BBX: variants seen among roughly 807,000 people sequenced by gnomAD.
BBX encodes the protein HMG box transcription factor BBX.
A neutral mutation model predicts 100.2 loss-of-function variants in BBX; 30 were observed. That is an observed-to-expected ratio of 0.30 (90% CI 0.22 to 0.41). The LOEUF (loss-of-function observed/expected upper bound fraction) is 0.41. Among genes scored for constraint, BBX ranks in the 10% least tolerant of loss-of-function variants. The pLI, the probability that BBX is intolerant of heterozygous loss-of-function variation, is 1.00. For synonymous variants in BBX, 376 were observed against 388.1 expected (o/e 0.97, Z 0.37); for missense variants, 1,023 against 1,129.8 (o/e 0.91, Z 1.35).
chr3:107,558,854 G>T (rs2050272634), intron 2 of BBX, among the ~76,000 whole-genome samples: 1 of 152,174 alleles, frequency 6.6e-6, no homozygotes, highest in African/African-American at 2.4e-5. Flanking sequence ...AGCAATAATA[G>T]CAGGGGCATA....
intron 2 of BBX, among the ~76,000 whole-genome samples, chr3:107,604,764 C>A (rs2107633364): frequency 1.4e-5 from 2 of 138,658 alleles, no homozygotes; most frequent in Middle Eastern, 7.4e-3. Flanking sequence ...AACTTTATTG[C>A]CAGAATTTAC....
intron 3 of BBX, among the ~76,000 whole-genome samples, chr3:107,649,829 ACTTCTTGCCACTGGGAATTTG>A (rs1260916217): frequency 1.7e-4 from 26 of 152,300 alleles, no homozygotes; most frequent in Non-Finnish European, 1.3e-4. Context: ...CTAATAATTA[ACTTCTTGCCACTGGGAATTTG>A]CTTCTTGCCA....
intron 2 of BBX, among the ~76,000 whole-genome samples, chr3:107,583,440 G>T (rs2052433155): frequency 6.6e-6 from 1 of 151,906 alleles, no homozygotes; most frequent in African/African-American, 2.4e-5. Flanking sequence ...CAAACTGAGT[G>T]ACTGAGTAGT....
rs537371124 is a variant in BBX at position 107,764,055 on chromosome 3, C to A, written c.906+8377C>A. Among the ~76,000 whole-genome samples the A allele has an allele frequency of 2.6e-5, 4 of 152,238 alleles. No homozygotes were observed. In the South Asian group the frequency reaches 8.3e-4, roughly 32 times the overall value. ...TCGCCCAGGCTGGAGTGCAGTGGCA[C>A]GATCTCAGCTCGCTGCAACCTCTGC... On this transcript the variant is annotated intron_variant, in intron 10 of 17. Coordinates refer to ENST00000325805, the MANE Select transcript of BBX (RefSeq NM_001142568.3).
At chr3:107,557,731 G>C (rs1271351184) in intron 2 of BBX, among the ~76,000 whole-genome samples, 1 of 152,176 alleles carries the variant, frequency 6.6e-6, no homozygotes, top group African/African-American at 2.4e-5. Flanking sequence ...AGATATTAAA[G>C]CTCTATTTCA....
At chr3:107,719,697 A>G (rs2062383407) in intron 5 of BBX, among the ~76,000 whole-genome samples, 1 of 152,094 alleles carries the variant, frequency 6.6e-6, no homozygotes. Context: ...TCTTAAATTC[A>G]GTAATGTACA....
intron 8 of BBX, among the ~76,000 whole-genome samples, chr3:107,746,840 G>A (rs973249253): frequency 1.3e-4 from 20 of 151,926 alleles, no homozygotes; most frequent in Admixed American, 2.0e-4. Context: ...TAACTAAAAC[G>A]AAAAAGCAGT....
At chr3:107,659,973 C>T (rs1233667511) in intron 3 of BBX, among the ~76,000 whole-genome samples, 1 of 152,068 alleles carries the variant, frequency 6.6e-6, no homozygotes, top group Admixed American at 6.6e-5. Context: ...ATTAATGTTT[C>T]CACACATAGC....
chr3:107,631,543 T>TAA lies in BBX; in HGVS notation c.-83-14283_-83-14282dup, dbSNP rs372663965. ...ACCATTCTCCTTGCTTAGAATTAGT[T>TAA]AAAAAAAAAAACACTAAAAATAAAA... On this transcript the variant is annotated intron_variant, in intron 2 of 17. Transcript: ENST00000325805. Among the ~76,000 whole-genome samples, 1,307 of 148,096 alleles carry TAA rather than the reference T, an allele frequency of 8.8e-3. 5 individuals are homozygous for TAA. The highest frequency in any genetic ancestry group is 0.014 in the Middle Eastern group (4 of 286).
chr3:107,650,168 G>A (rs996052822), intron 3 of BBX, among the ~76,000 whole-genome samples: 3 of 151,998 alleles, frequency 2.0e-5, no homozygotes, highest in Admixed American at 6.6e-5. Context: ...CCTGGGCCTC[G>A]GACTGGTACT....
At chr3:107,714,893 C>A (rs1419075018) in intron 4 of BBX, among the ~76,000 whole-genome samples, 1 of 152,010 alleles carries the variant, frequency 6.6e-6, no homozygotes, top group African/African-American at 2.4e-5. Flanking sequence ...TCAAGCAATT[C>A]TCCTGCCTCA....
intron 3 of BBX, among the ~76,000 whole-genome samples, chr3:107,652,946 G>C (rs574016071): frequency 5.3e-5 from 8 of 152,104 alleles, no homozygotes; most frequent in Non-Finnish European, 1.0e-4. Flanking sequence ...AGTCTATTTT[G>C]TGCATGTCTG....
At chr3:107,635,942 C>T (rs1559900785) in intron 2 of BBX, among the ~76,000 whole-genome samples, 1 of 152,104 alleles carries the variant, frequency 6.6e-6, no homozygotes, top group African/African-American at 2.4e-5. Flanking sequence ...AGACTCCTGA[C>T]CTGGTGATCC....
intron 2 of BBX, among the ~76,000 whole-genome samples, chr3:107,627,460 G>A (rs1276619060): frequency 1.3e-5 from 2 of 152,168 alleles, no homozygotes; most frequent in African/African-American, 4.8e-5. Context: ...TATTTAGGTT[G>A]TTATTTAGGT....
chr3:107,692,972 GTT>G (rs1398576398), intron 3 of BBX, among the ~76,000 whole-genome samples: 1 of 149,514 alleles, frequency 6.7e-6, no homozygotes, highest in Non-Finnish European at 1.5e-5. Flanking sequence ...TTTTTCATGT[GTT>G]TTTTGGCTGC....
At chr3:107,531,915 T>C (rs1367711454) in intron 2 of BBX, among the ~76,000 whole-genome samples, 2 of 152,164 alleles carry the variant, frequency 1.3e-5, no homozygotes, top group African/African-American at 4.8e-5. Context: ...TCTCAAACTT[T>C]CTTCCGTCAA....
chr3:107,653,336 A>G (rs889718351), intron 3 of BBX, among the ~76,000 whole-genome samples: 1 of 152,158 alleles, frequency 6.6e-6, no homozygotes, highest in Non-Finnish European at 1.5e-5. Flanking sequence ...TTCATCAGCG[A>G]CCCTGTGAGT....
chr3:107,723,413 T>C lies in BBX; in HGVS notation c.406-5352T>C, dbSNP rs145128715. Reference sequence around the variant, plus strand: ...AGACTCCATTTTTATTTTATTTTTTTAATTTTTTTTATTATACTTTAAGTT... The same window carrying C: ...AGACTCCATTTTTATTTTATTTTTTCAATTTTTTTTATTATACTTTAAGTT... On this transcript the variant is annotated intron_variant, in intron 5 of 17. Coordinates refer to ENST00000325805, the MANE Select transcript of BBX (RefSeq NM_001142568.3). Among the ~76,000 whole-genome samples the C allele has an allele frequency of 3.1e-4, 47 of 152,016 alleles. No homozygotes were observed. In the East Asian group the frequency reaches 8.5e-3, roughly 27 times the overall value.
chr3:107,656,462 T>G (rs2058150910), intron 3 of BBX, among the ~76,000 whole-genome samples: 1 of 152,182 alleles, frequency 6.6e-6, no homozygotes, highest in African/African-American at 2.4e-5. Context: ...TTTTCCCTTT[T>G]CCTTGTTGAG....
Sources: allele counts gnomAD v4.1 joint callset (sites outside exome capture counted in the v4.1 genomes callset), GRCh38; gene constraint gnomAD v4.1.1; transcripts MANE v1.5; gene names NCBI Gene and HGNC (gene_info 2026-07-23, HGNC 2026-07-21).